The following PALLD variants were observed in gnomAD, a reference collection of about 807,000 sequenced individuals.
PALLD encodes the protein palladin, cytoskeletal associated protein.
A neutral mutation model predicts 123.5 loss-of-function variants in PALLD; 61 were observed. That is an observed-to-expected ratio of 0.49 (90% CI 0.40 to 0.61). The LOEUF (loss-of-function observed/expected upper bound fraction) is 0.61. Ranked by LOEUF, PALLD falls within the 20% of genes least tolerant of loss-of-function variation. The probability of loss-of-function intolerance (pLI) is 0.00; values close to 1 mark genes in which losing one functional copy is unlikely to be tolerated. For synonymous variants in PALLD, 465 were observed against 496.4 expected (o/e 0.94, Z 0.84); for missense variants, 1,273 against 1,377.0 (o/e 0.92, Z 1.20).
chr4:168,665,533 A>T (rs1015601187), intron 2 of PALLD, among the ~76,000 whole-genome samples: 2 of 152,188 alleles, frequency 1.3e-5, no homozygotes, highest in Non-Finnish European at 2.9e-5. Context: ...ACTGCACTCC[A>T]GCCTGGGCGA....
intron 2 of PALLD, among the ~76,000 whole-genome samples, chr4:168,643,014 A>G (rs1777108023): frequency 6.6e-6 from 1 of 152,234 alleles, no homozygotes; most frequent in Non-Finnish European, 1.5e-5. Flanking sequence ...GTTAGAGACC[A>G]GCTGTAGAGC....
At chr4:168,889,693 A>G (rs1213145275) in intron 10 of PALLD, among the ~76,000 whole-genome samples, 1 of 152,148 alleles carries the variant, frequency 6.6e-6, no homozygotes, top group Admixed American at 6.5e-5. Flanking sequence ...TGGTTTTACC[A>G]TGTATGTATG....
intron 8 of PALLD, among the ~76,000 whole-genome samples, chr4:168,696,920 G>A (rs1783181411): frequency 6.6e-6 from 1 of 152,140 alleles, no homozygotes; most frequent in Admixed American, 6.5e-5. Flanking sequence ...TTTTTTTAAA[G>A]TTCCCCAAAC....
At chr4:168,663,962 G>A (rs575320246) in intron 2 of PALLD, among the ~76,000 whole-genome samples, 6 of 152,114 alleles carry the variant, frequency 3.9e-5, no homozygotes, top group Non-Finnish European at 7.4e-5. Context: ...ACATGCATCC[G>A]ATGAAATAAC....
chr4:168,558,519 C>A (rs1203780402), intron 2 of PALLD, among the ~76,000 whole-genome samples: 1 of 152,230 alleles, frequency 6.6e-6, no homozygotes, highest in African/African-American at 2.4e-5. Context: ...GGCAGCAGCT[C>A]TCTCCAAGTG....
intron 10 of PALLD, among the ~76,000 whole-genome samples, chr4:168,765,790 A>G (rs1733582987): frequency 6.6e-6 from 1 of 152,118 alleles, no homozygotes; most frequent in Non-Finnish European, 1.5e-5. Flanking sequence ...TGTACTAGTG[A>G]GGTCAGCAAT....
intron 10 of PALLD, among the ~76,000 whole-genome samples, chr4:168,755,076 CA>C (rs1321307668): frequency 6.6e-5 from 10 of 151,678 alleles, no homozygotes; most frequent in African/African-American, 9.7e-5. Context: ...ACTAAAAATA[CA>C]AAAAAATTAG....
chr4:168,715,475 C>T (rs1785259533), intron 10 of PALLD, among the ~76,000 whole-genome samples: 1 of 152,196 alleles, frequency 6.6e-6, no homozygotes, highest in Admixed American at 6.5e-5. Context: ...AAAGAAGCAA[C>T]ACAATGCTTA....
Position 168,725,522 on chromosome 4 carries a change from C to CTTT in PALLD, c.1964+13619_1964+13621dup, listed in dbSNP as rs1210834634. On this transcript the variant is annotated intron_variant, in intron 10 of 21. Transcript: ENST00000505667. ...CAATATATTTTATTCTCTTTAATTT[C>CTTT]TTTTTTTTTTTTTTTTTTTTTTGAG... Among the ~76,000 whole-genome samples, 651 of 91,634 alleles carry CTTT rather than the reference C, an allele frequency of 7.1e-3. 3 individuals are homozygous for CTTT. Among genetic ancestry groups the CTTT allele is most frequent in the Non-Finnish European group, 8.3e-3 (405 of 48,724 alleles). The allele number at this position is 91,634 out of a possible 152,430, so 60.1% of individuals were successfully genotyped here. A position where few individuals can be genotyped will look rare whatever the true frequency, so the allele number is the denominator to read the frequency against.
At chr4:168,571,546 C>T (rs1434882307) in intron 2 of PALLD, among the ~76,000 whole-genome samples, 3 of 152,140 alleles carry the variant, frequency 2.0e-5, no homozygotes, top group Admixed American at 2.0e-4. Context: ...CAATCCCTGA[C>T]TTCATTTAAA....
At chr4:168,791,646 A>G (rs758148732) in intron 10 of PALLD, among the ~76,000 whole-genome samples, 9 of 152,212 alleles carry the variant, frequency 5.9e-5, no homozygotes, top group Non-Finnish European at 1.3e-4. Context: ...TGGGGATTAC[A>G]ATTCAAGATG....
chr4:168,506,310 AG>A (rs1306704362), intron 1 of PALLD, among the ~76,000 whole-genome samples: 1 of 152,154 alleles, frequency 6.6e-6, no homozygotes, highest in African/African-American at 2.4e-5. Context: ...AATGCACAGA[AG>A]TCTCAGTTTG....
chr4:168,761,645 G>GTTTGT (rs1561493717), intron 10 of PALLD, among the ~76,000 whole-genome samples: 1 of 88,014 alleles, frequency 1.1e-5, no homozygotes, highest in Admixed American at 1.6e-4. Context: ...GTTGTTGTTT[G>GTTTGT]TTTTTTTTTT....
chr4:168,805,562 T>A (rs1028410417), intron 10 of PALLD, among the ~76,000 whole-genome samples: 1 of 152,242 alleles, frequency 6.6e-6, no homozygotes, highest in African/African-American at 2.4e-5. Flanking sequence ...TGCAGGGCTC[T>A]TGCACAACTT....
intron 1 of PALLD, among the ~76,000 whole-genome samples, chr4:168,497,603 C>T (rs1458502819): frequency 6.6e-6 from 1 of 152,138 alleles, no homozygotes; most frequent in African/African-American, 2.4e-5. Flanking sequence ...GTGATGATGG[C>T]TTAAAGTGAT....
chr4:168,575,444 C>T (rs1015334459), intron 2 of PALLD, among the ~76,000 whole-genome samples: 1 of 152,000 alleles, frequency 6.6e-6, no homozygotes, highest in African/African-American at 2.4e-5. Context: ...ATCACGAGAA[C>T]AGCATGGGGG....
At chr4:168,813,418 A>G (rs1723000645) in intron 10 of PALLD, among the ~76,000 whole-genome samples, 1 of 152,146 alleles carries the variant, frequency 6.6e-6, no homozygotes, top group African/African-American at 2.4e-5. Flanking sequence ...CAGAACAACA[A>G]CAACAACAAC....
intron 2 of PALLD, among the ~76,000 whole-genome samples, chr4:168,617,203 A>G (rs1774312611): frequency 6.6e-6 from 1 of 152,168 alleles, no homozygotes; most frequent in Non-Finnish European, 1.5e-5. Context: ...TTTCTTCTAT[A>G]CGATAGAGAA....
intron 2 of PALLD, among the ~76,000 whole-genome samples, chr4:168,627,905 T>C (rs1164400989): frequency 1.3e-5 from 2 of 151,914 alleles, no homozygotes; most frequent in African/African-American, 4.8e-5. Context: ...GAAATGCGAG[T>C]CAAAACTATC....
Sources: allele counts gnomAD v4.1 joint callset (sites outside exome capture counted in the v4.1 genomes callset), GRCh38; gene constraint gnomAD v4.1.1; transcripts MANE v1.5; gene names NCBI Gene and HGNC (gene_info 2026-07-23, HGNC 2026-07-21).